JARID2: variants seen among roughly 807,000 people sequenced by gnomAD.
The protein encoded by JARID2 is jumonji and AT-rich interaction domain containing 2.
JARID2 carries 21 observed loss-of-function variants against 125.6 expected under a neutral mutation model. The ratio of observed to expected loss-of-function variants is 0.17; its 90% CI spans 0.12 to 0.24. The LOEUF (loss-of-function observed/expected upper bound fraction) is 0.24. Ranked by LOEUF, JARID2 falls within the 10% of genes least tolerant of loss-of-function variation. The pLI, the probability that JARID2 is intolerant of heterozygous loss-of-function variation, is 1.00. For missense variants in JARID2, 1,303 were observed against 1,639.6 expected (o/e 0.79, Z 3.55); for synonymous variants, 736 against 661.6 (o/e 1.11, Z -1.73).
intron 1 of JARID2, among the ~76,000 whole-genome samples, chr6:15,275,112 G>GA (rs950957148): frequency 2.6e-5 from 4 of 152,184 alleles, no homozygotes; most frequent in Non-Finnish European, 5.9e-5. Context: ...GACCAGTGGA[G>GA]AAGGTGTGTG....
At chr6:15,450,099 T>G (rs1464015117) in intron 3 of JARID2, among the ~76,000 whole-genome samples, 1 of 152,202 alleles carries the variant, frequency 6.6e-6, no homozygotes. Context: ...TGCTTACTAT[T>G]TTATATAATC....
In JARID2 at chr6:15,302,512, T is replaced by G. The variant is rs183909575; in HGVS notation, c.45+55928T>G. Among the ~76,000 whole-genome samples the G allele has an allele frequency of 3.8e-3, 583 of 152,320 alleles. 2 individuals carry two copies. The highest frequency in any genetic ancestry group is 0.024 in the Middle Eastern group (7 of 294). On this transcript the variant is annotated intron_variant, in intron 1 of 17. Coordinates refer to ENST00000341776, the MANE Select transcript of JARID2 (RefSeq NM_004973.4). Reference sequence around the variant, plus strand: ...TTGCCTTGATAATCAGGAAGATTTATTCCTATGCTTTATATTGATTGTGGT... The same window carrying G: ...TTGCCTTGATAATCAGGAAGATTTAGTCCTATGCTTTATATTGATTGTGGT...
At chr6:15,295,069 A>G (rs1271080795) in intron 1 of JARID2, among the ~76,000 whole-genome samples, 1 of 150,852 alleles carries the variant, frequency 6.6e-6, no homozygotes, top group Non-Finnish European at 1.5e-5. Context: ...CCATCTTATT[A>G]CTTCATGCAG....
chr6:15,261,800 T>C (rs1759889127), intron 1 of JARID2, among the ~76,000 whole-genome samples: 1 of 151,800 alleles, frequency 6.6e-6, no homozygotes, highest in African/African-American at 2.4e-5. Flanking sequence ...TTTTTTTTTT[T>C]TGAGATGGAG....
chr6:15,323,766 G>A (rs1250256147), intron 1 of JARID2, among the ~76,000 whole-genome samples: 4 of 152,078 alleles, frequency 2.6e-5, no homozygotes, highest in African/African-American at 7.2e-5. Flanking sequence ...GTGGTGGTGT[G>A]CGCCTGTAAT....
At chr6:15,352,908 A>G (rs941302192) in intron 1 of JARID2, among the ~76,000 whole-genome samples, 1 of 152,186 alleles carries the variant, frequency 6.6e-6, no homozygotes, top group African/African-American at 2.4e-5. Flanking sequence ...TTGGTGAACA[A>G]TACTCTGTTG....
chr6:15,264,617 G>GTGTT (rs1760009901), intron 1 of JARID2, among the ~76,000 whole-genome samples: 1 of 128,672 alleles, frequency 7.8e-6, no homozygotes, highest in Non-Finnish European at 1.8e-5. Context: ...GTGTGAGTGT[G>GTGTT]TGTGTGTGTG....
chr6:15,327,651 A>C lies in JARID2; in HGVS notation c.46-46466A>C, dbSNP rs190161260. 2.6e-3 allele frequency among the ~76,000 whole-genome samples: 396 copies of C among 152,218 alleles called. 2 individuals carry two copies. The highest frequency in any genetic ancestry group is 4.4e-3 in the Non-Finnish European group (301 of 68,008). On this transcript the variant is annotated intron_variant, in intron 1 of 17. Transcript: ENST00000341776. ...TAAGAATGAGGGAGGGAGGTCATAA[A>C]GGACACAGGAAGCCTTGGAAAGAAG... is the stretch of plus-strand genomic sequence containing the variant.
At chr6:15,325,565 CATG>C (rs1418707532) in intron 1 of JARID2, among the ~76,000 whole-genome samples, 1 of 152,116 alleles carries the variant, frequency 6.6e-6, no homozygotes, top group African/African-American at 2.4e-5. Context: ...TCAGGGGTGA[CATG>C]ATGTTCTTTT....
At chr6:15,416,424 G>A (rs552534757) in intron 3 of JARID2, among the ~76,000 whole-genome samples, 4,690 of 152,236 alleles carry the variant, frequency 0.031, 224 homozygotes, top group African/African-American at 0.11. Context: ...ACCAGACTCC[G>A]TCTGCAATCC....
At chr6:15,515,861 C>T (rs1771523270) in intron 16 of JARID2, among the ~76,000 whole-genome samples, 2 of 151,912 alleles carry the variant, frequency 1.3e-5, no homozygotes, top group Middle Eastern at 3.4e-3. Context: ...TGGTGAAACA[C>T]CATCTCTACT....
chr6:15,452,236 A>C (rs1229509608), intron 4 of JARID2, 61 bp downstream of exon 4: 1 of 1,585,468 alleles, frequency 6.3e-7, no homozygotes, highest in African/African-American at 1.4e-5. Context: ...CCTGAGGTCT[A>C]CGTGGAGTAA....
chr6:15,304,303 T>C (rs1192566326), intron 1 of JARID2, among the ~76,000 whole-genome samples: 45 of 26,732 alleles, frequency 1.7e-3, no homozygotes, highest in Admixed American at 3.5e-3. Flanking sequence ...AATTTGCTGA[T>C]CCCCCCCCCC....
intron 3 of JARID2, among the ~76,000 whole-genome samples, chr6:15,436,818 T>C (rs1323033431): frequency 6.6e-6 from 1 of 152,006 alleles, no homozygotes; most frequent in Admixed American, 6.5e-5. Flanking sequence ...TGTGATTTTT[T>C]TTTTCCCCCA....
intron 1 of JARID2, among the ~76,000 whole-genome samples, chr6:15,338,972 G>A (rs1581429972): frequency 1.3e-5 from 2 of 152,148 alleles, no homozygotes; most frequent in Admixed American, 1.3e-4. Flanking sequence ...AGACCTTGAC[G>A]AACACTGAGA....
intron 1 of JARID2, among the ~76,000 whole-genome samples, chr6:15,325,069 T>TA (rs1453037295): frequency 6.6e-6 from 1 of 152,090 alleles, no homozygotes; most frequent in African/African-American, 2.4e-5. Flanking sequence ...ATGAGGACCA[T>TA]ACCACAATTT....
chr6:15,373,067 G>T (rs1359362644), intron 1 of JARID2, among the ~76,000 whole-genome samples: 1 of 152,144 alleles, frequency 6.6e-6, no homozygotes, highest in Non-Finnish European at 1.5e-5. Flanking sequence ...GTAGGTGTGT[G>T]AACATAAGTC....
chr6:15,465,649 T>G, intron 4 of JARID2, among the ~76,000 whole-genome samples: 1 of 151,624 alleles, frequency 6.6e-6, no homozygotes, highest in East Asian at 1.9e-4. Context: ...ATGTTTGAGT[T>G]TTTAAAAAAA....
chr6:15,378,851 A>C (rs1764471171), intron 2 of JARID2, among the ~76,000 whole-genome samples: 1 of 152,160 alleles, frequency 6.6e-6, no homozygotes, highest in African/African-American at 2.4e-5. Context: ...AGCAGAATGG[A>C]TTTTACAGAA....
Sources: gnomAD v4.1 joint callset for allele counts (sites outside exome capture counted in the v4.1 genomes callset) on GRCh38, gnomAD v4.1.1 for gene constraint, MANE v1.5 for transcripts, NCBI Gene and HGNC (gene_info 2026-07-23, HGNC 2026-07-21) for gene names.